The following GRAMD4 variants were observed in gnomAD, a reference collection of about 807,000 sequenced individuals.
GRAMD4 encodes GRAM domain-containing protein 4.
Under a neutral mutation model 83.9 loss-of-function variants are expected in GRAMD4, and 25 were observed. The ratio of observed to expected loss-of-function variants is 0.30; its 90% CI spans 0.22 to 0.42. The LOEUF (loss-of-function observed/expected upper bound fraction) is 0.42, where lower values mean the gene tolerates loss of function less well. GRAMD4 is among the 10% of genes least tolerant of loss of function. The pLI is 1.00. For synonymous variants in GRAMD4, 336 were observed against 320.9 expected (o/e 1.05, Z -0.50); for missense variants, 593 against 788.7 (o/e 0.75, Z 2.97).
intron 1 of GRAMD4, among the ~76,000 whole-genome samples, chr22:46,582,378 G>A (rs1321550783): frequency 6.6e-6 from 1 of 152,052 alleles, no homozygotes; most frequent in Non-Finnish European, 1.5e-5. Flanking sequence ...TCTCTTGGTG[G>A]GTTCCCCTGC....
chr22:46,671,612 T>C (rs913938767), intron 13 of GRAMD4, among the ~76,000 whole-genome samples: 4 of 151,922 alleles, frequency 2.6e-5, no homozygotes, highest in African/African-American at 9.7e-5. Context: ...GCCAAGATCA[T>C]GTTGCTGCAC....
intron 3 of GRAMD4, among the ~76,000 whole-genome samples, chr22:46,644,695 CTGTTTTTTTTTTTTTTTTTTT>C (rs1333040999): frequency 2.6e-5 from 2 of 76,758 alleles, no homozygotes; most frequent in Non-Finnish European, 4.9e-5. Flanking sequence ...CACTTGTTCC[CTGTTTTTTTTTTTTTTTTTTT>C]TTTTTTTTTT....
chr22:46,592,916 A>T (rs2081224635), intron 1 of GRAMD4, among the ~76,000 whole-genome samples: 1 of 152,208 alleles, frequency 6.6e-6, no homozygotes, highest in Admixed American at 6.5e-5. Context: ...AATCACTTAC[A>T]TGAATATTTT....
intron 1 of GRAMD4, among the ~76,000 whole-genome samples, chr22:46,584,091 C>T (rs1441108983): frequency 6.6e-6 from 1 of 152,060 alleles, no homozygotes; most frequent in Non-Finnish European, 1.5e-5. Flanking sequence ...CAGTGCTGGC[C>T]GTCGGGTTCC....
chr22:46,599,054 A>T (rs769865317), intron 1 of GRAMD4, among the ~76,000 whole-genome samples: 7 of 152,146 alleles, frequency 4.6e-5, no homozygotes, highest in Non-Finnish European at 1.0e-4. Context: ...GAACTGTGTG[A>T]CACAGAGGCC....
upstream of GRAMD4, among the ~76,000 whole-genome samples, chr22:46,619,130 CAT>C (rs1199062298): frequency 2.0e-5 from 3 of 152,184 alleles, no homozygotes; most frequent in African/African-American, 7.2e-5. Context: ...GGGCAGCACA[CAT>C]GTCATCAGTT....
At chr22:46,635,798 C>A (rs1214620613) in intron 2 of GRAMD4, among the ~76,000 whole-genome samples, 2 of 84,586 alleles carry the variant, frequency 2.4e-5, no homozygotes, top group Non-Finnish European at 5.2e-5. Flanking sequence ...CCCTGCCCCC[C>A]ACCCCCCCGG....
At chr22:46,631,189 A>G (rs915746432) in intron 2 of GRAMD4, among the ~76,000 whole-genome samples, 2 of 152,168 alleles carry the variant, frequency 1.3e-5, no homozygotes, top group African/African-American at 4.8e-5. Context: ...TTTCATTTTC[A>G]CTGTCAGTGT....
In GRAMD4 at chr22:46,672,149, C is replaced by T. The variant is rs946143666; in HGVS notation, c.1085-694C>T. Among the ~76,000 whole-genome samples, 6 of 152,198 alleles carry T rather than the reference C, an allele frequency of 3.9e-5. No homozygotes were observed. In the South Asian group the frequency reaches 6.2e-4, roughly 16 times the overall value. ...GGTGCGTTAGCAGGTGTGTGGGGGC[C>T]GGCCCCGCCTCCCATCCCTGCATCT... On this transcript the variant is annotated intron_variant, in intron 13 of 18. Transcript: ENST00000406902. This position sits in a 1 kb window ranked among gnomAD's most constrained non-coding sequence, Gnocchi z 4.7.
chr22:46,675,883 C>G (rs2082589889), intron 17 of GRAMD4, among the ~76,000 whole-genome samples: 1 of 152,222 alleles, frequency 6.6e-6, no homozygotes, highest in Non-Finnish European at 1.5e-5. Context: ...GGGCCCTGAG[C>G]CCCTGCCTCG....
chr22:46,649,801 C>G (rs1232865388), intron 3 of GRAMD4, among the ~76,000 whole-genome samples: 1 of 152,204 alleles, frequency 6.6e-6, no homozygotes, highest in Admixed American at 6.5e-5. Context: ...AAAAGCGAGG[C>G]ATTTCTTGGA....
intron 1 of GRAMD4, among the ~76,000 whole-genome samples, chr22:46,584,722 C>G (rs1408854451): frequency 6.6e-6 from 1 of 152,184 alleles, no homozygotes; most frequent in Non-Finnish European, 1.5e-5. Flanking sequence ...GATTCCACGA[C>G]TTAGAGGGAA....
upstream of GRAMD4, among the ~76,000 whole-genome samples, chr22:46,617,092 A>G (rs112185964): frequency 0.2 from 8,436 of 41,998 alleles, 1,304 homozygotes; most frequent in East Asian, 0.63. Flanking sequence ...GGGTTCCCCC[A>G]TGTGTAAGTT....
chr22:46,618,900 C>T (rs2081537796), upstream of GRAMD4, among the ~76,000 whole-genome samples: 1 of 152,190 alleles, frequency 6.6e-6, no homozygotes, highest in African/African-American at 2.4e-5. This position sits in a 1 kb window ranked among gnomAD's most constrained non-coding sequence, Gnocchi z 5.8. Flanking sequence ...TCAGAGTGCC[C>T]CTTGAGACCC....
At chr22:46,650,937 T>C (rs962484023) in intron 3 of GRAMD4, among the ~76,000 whole-genome samples, 7 of 152,194 alleles carry the variant, frequency 4.6e-5, no homozygotes, top group Admixed American at 4.6e-4. Flanking sequence ...GCACGCAGAG[T>C]GTCCCCTGGG....
In GRAMD4 at chr22:46,661,369, C is replaced by T. The variant is rs201272075; in HGVS notation, c.405-12C>T. The stretch of plus-strand genomic sequence containing the variant: ...AACAGACCTCTTGTCTCTTCTCTCC[C>T]TGCTTTTTAAGAACCGAGGAGCAGA... On this transcript the variant is annotated splice_polypyrimidine_tract_variant and intron_variant, in intron 4 of 18. Transcript: ENST00000406902. 3.4e-5 allele frequency: 54 copies of T among 1,611,222 alleles called. No individual in the cohort carries two copies. In the Admixed American group the frequency reaches 8.5e-4, roughly 25 times the overall value.
Position 46,672,197 on chromosome 22 carries a change from C to T in GRAMD4, c.1085-646C>T, listed in dbSNP as rs1490975805. ...TCTGTTGCCAGGTGGGGTCCTGGGGCGCAGTCAGGCCTGGCTCTTCTGAGG... is the reference window on the plus strand; with the variant it reads ...TCTGTTGCCAGGTGGGGTCCTGGGGTGCAGTCAGGCCTGGCTCTTCTGAGG... On this transcript the variant is annotated intron_variant, in intron 13 of 18. Transcript: ENST00000406902. This position sits in a 1 kb window ranked among gnomAD's most constrained non-coding sequence, Gnocchi z 4.7. Among the ~76,000 whole-genome samples the T allele has an allele frequency of 6.6e-6, 1 of 152,208 alleles. No homozygotes were observed. The highest frequency in any genetic ancestry group is 2.4e-5 in the African/African-American group (1 of 41,446).
At chr22:46,590,222 G>C (rs13057198) in intron 1 of GRAMD4, among the ~76,000 whole-genome samples, 74,670 of 152,092 alleles carry the variant, frequency 0.49, 20,399 homozygotes, top group African/African-American at 0.75. Context: ...CCAGAGGGGC[G>C]GAGCTGGGAG....
chr22:46,601,474 AT>A (rs1480828121), intron 1 of GRAMD4, among the ~76,000 whole-genome samples: 2 of 151,688 alleles, frequency 1.3e-5, no homozygotes, highest in Admixed American at 1.3e-4. Flanking sequence ...TTTTATTTTA[AT>A]TTTTATTTTA....
Sources: allele counts gnomAD v4.1 joint callset (sites outside exome capture counted in the v4.1 genomes callset), GRCh38; gene constraint gnomAD v4.1.1; non-coding constraint Gnocchi (gnomAD v3.1); transcripts MANE v1.5; gene names NCBI Gene and HGNC (gene_info 2026-07-23, HGNC 2026-07-21).